Variants in STARD13 observed in about 807,000 individuals in gnomAD.
STARD13 encodes StAR related lipid transfer domain containing 13.
A neutral mutation model predicts 106.4 loss-of-function variants in STARD13; 62 were observed. That is an observed-to-expected ratio of 0.58 (90% confidence interval 0.48 to 0.72). The LOEUF (loss-of-function observed/expected upper bound fraction) is 0.72, where lower values mean the gene tolerates loss of function less well. Among genes scored for constraint, STARD13 ranks in the 30% least tolerant of loss-of-function variants. The probability of loss-of-function intolerance (pLI) is 0.00; values close to 1 mark genes in which losing one functional copy is unlikely to be tolerated. For missense variants in STARD13, 1,387 were observed against 1,424.0 expected (o/e 0.97, Z 0.42); for synonymous variants, 565 against 553.0 (o/e 1.02, Z -0.31).
the STARD13 span, among the ~76,000 whole-genome samples, chr13:33,639,387 A>G: frequency 3.3e-5 from 5 of 152,194 alleles, no homozygotes; most frequent in African/African-American, 1.2e-4. Flanking sequence ...GTTGCACAAG[A>G]ACAGCCGTGG....
the STARD13 span, among the ~76,000 whole-genome samples, chr13:33,542,076 G>A: frequency 2.6e-5 from 4 of 152,028 alleles, no homozygotes; most frequent in East Asian, 5.8e-4. Flanking sequence ...TAAGAGAATC[G>A]CTTGCTAAAA....
At chr13:33,674,180 T>C in the STARD13 span, among the ~76,000 whole-genome samples, 1 of 152,188 alleles carries the variant, frequency 6.6e-6, no homozygotes, top group African/African-American at 2.4e-5. Context: ...TCTTTAAATA[T>C]CATATTCCTC....
chr13:33,614,325 C>T, the STARD13 span, among the ~76,000 whole-genome samples: 5 of 141,352 alleles, frequency 3.5e-5, no homozygotes, highest in African/African-American at 5.3e-5. Flanking sequence ...TAGAGTCTTT[C>T]CTACTGTCTG....
intron 1 of STARD13, among the ~76,000 whole-genome samples, chr13:33,323,343 C>T (rs558132848): frequency 4.6e-5 from 7 of 152,300 alleles, no homozygotes; most frequent in East Asian, 1.9e-4. Flanking sequence ...TCAGCTCAAA[C>T]GCTATTCCTC....
At position 33,180,890 on chromosome 13, in the gene STARD13, TA is replaced by T. The variant is rs962759421; in HGVS notation, c.170-13269del. On this transcript the variant is annotated intron_variant, in intron 1 of 13. Transcript: ENST00000336934. ...TCCGTCCTTGAAACTTTTGCTTCTC[TA>T]AAATAAGGAACAAGTAAATATCGAC... Among the ~76,000 whole-genome samples, 17 of 152,336 alleles carry T rather than the reference TA, an allele frequency of 1.1e-4. 2 individuals are homozygous for T. The East Asian group carries it at 3.3e-3, about 29-fold the overall frequency.
the STARD13 span, among the ~76,000 whole-genome samples, chr13:33,456,092 T>G: frequency 6.6e-6 from 1 of 152,230 alleles, no homozygotes; most frequent in Non-Finnish European, 1.5e-5. Flanking sequence ...TGTTTATATA[T>G]TGTCTATGGC....
chr13:33,136,424 G>A (rs1489839070), intron 4 of STARD13, among the ~76,000 whole-genome samples: 1 of 152,220 alleles, frequency 6.6e-6, no homozygotes, highest in Non-Finnish European at 1.5e-5. Flanking sequence ...TCAAGCCAAA[G>A]ACAGTTTGAA....
intron 1 of STARD13, among the ~76,000 whole-genome samples, chr13:33,264,064 A>AC (rs1373732168): frequency 6.6e-6 from 1 of 152,222 alleles, no homozygotes; most frequent in Non-Finnish European, 1.5e-5. Context: ...CCACATGGAC[A>AC]CATGTAGATG....
chr13:33,504,401 T>C, the STARD13 span, among the ~76,000 whole-genome samples: 5 of 152,066 alleles, frequency 3.3e-5, no homozygotes, highest in Non-Finnish European at 7.4e-5. Flanking sequence ...ATGGCACATA[T>C]ACACCATGGA....
At chr13:33,673,748 A>G in the STARD13 span, among the ~76,000 whole-genome samples, 8 of 151,776 alleles carry the variant, frequency 5.3e-5, no homozygotes, top group African/African-American at 1.9e-4. Context: ...TTGCCATGTT[A>G]GCCAGGATGG....
chr13:33,676,638 C>G, the STARD13 span: 2 of 152,210 alleles, frequency 1.3e-5, no homozygotes, highest in African/African-American at 4.8e-5. Context: ...ATTACACTCA[C>G]AGTTTCAAAG....
chr13:33,299,388 C>T (rs1275108496), intron 1 of STARD13, among the ~76,000 whole-genome samples: 1 of 152,214 alleles, frequency 6.6e-6, no homozygotes, highest in Non-Finnish European at 1.5e-5. Flanking sequence ...GCAGTCTAAA[C>T]ACTTTTTATC....
the STARD13 span, among the ~76,000 whole-genome samples, chr13:33,602,396 G>A: frequency 2.6e-5 from 4 of 152,076 alleles, no homozygotes; most frequent in Admixed American, 2.6e-4. Context: ...ACCTAGTAAT[G>A]TTTTTAAGCA....
chr13:33,566,654 C>G, the STARD13 span, among the ~76,000 whole-genome samples: 60 of 148,118 alleles, frequency 4.1e-4, 4 homozygotes, highest in Non-Finnish European at 8.2e-4. Context: ...GAATAGACAG[C>G]CAGCTTCCCA....
chr13:33,350,334 G>A, exon 1 of STARD13: 1 of 1,534,602 alleles, frequency 6.5e-7, no homozygotes, highest in Non-Finnish European at 8.7e-7. Flanking sequence ...CAGATCCCAG[G>A]CTCTGGCCGT....
chr13:33,622,095 G>A, the STARD13 span, among the ~76,000 whole-genome samples: 1 of 151,986 alleles, frequency 6.6e-6, no homozygotes, highest in Non-Finnish European at 1.5e-5. Flanking sequence ...GTGAGCCACT[G>A]TGGAGGCCTG....
chr13:33,613,495 A>C, the STARD13 span, among the ~76,000 whole-genome samples: 26 of 152,316 alleles, frequency 1.7e-4, no homozygotes, highest in Non-Finnish European at 2.9e-4. Context: ...GGAAGAGAGA[A>C]GAGATAGGGT....
the STARD13 span, among the ~76,000 whole-genome samples, chr13:33,412,400 A>G: frequency 1.3e-5 from 2 of 152,184 alleles, no homozygotes; most frequent in African/African-American, 4.8e-5. Flanking sequence ...ACACACAAGA[A>G]TGTAGGAAAA....
At chr13:33,471,795 T>A in the STARD13 span, among the ~76,000 whole-genome samples, 5 of 152,196 alleles carry the variant, frequency 3.3e-5, no homozygotes, top group South Asian at 4.1e-4. Flanking sequence ...CACAAATATT[T>A]GCAGCATTAA....
Sources: allele counts gnomAD v4.1 joint callset (sites outside exome capture counted in the v4.1 genomes callset), GRCh38; gene constraint gnomAD v4.1.1; transcripts MANE v1.5; gene names NCBI Gene and HGNC (gene_info 2026-07-23, HGNC 2026-07-21).